AKAP12: variants seen among roughly 807,000 people sequenced by gnomAD.
AKAP12 encodes the protein A-kinase anchoring protein 12.
AKAP12 carries 32 observed loss-of-function variants against 79.9 expected under a neutral mutation model. The observed-to-expected ratio is 0.40, with a 90% CI of 0.30 to 0.54. AKAP12 has a LOEUF of 0.54. Among genes scored for constraint, AKAP12 ranks in the 20% least tolerant of loss-of-function variants. The pLI, the probability that AKAP12 is intolerant of heterozygous loss-of-function variation, is 0.48. For missense variants in AKAP12, 2,074 were observed against 2,177.0 expected, an observed-to-expected ratio of 0.95 and a Z score of 0.94; for synonymous variants, 808 against 857.0, an observed-to-expected ratio of 0.94 and a Z score of 1.00.
At chr6:151,301,997 G>A (rs1293682716) in intron 2 of AKAP12, among the ~76,000 whole-genome samples, 2 of 151,014 alleles carry the variant, frequency 1.3e-5, no homozygotes, top group African/African-American at 2.4e-5. Context: ...TGCTATGTGT[G>A]TGTAACATCT....
At chr6:151,296,024 G>A (rs901460698) in intron 2 of AKAP12, among the ~76,000 whole-genome samples, 8 of 152,130 alleles carry the variant, frequency 5.3e-5, no homozygotes, top group Admixed American at 3.3e-4. Context: ...ATATATGGAT[G>A]GAAAGAAATA....
chr6:151,347,842 GC>G (rs1778141640), intron 3 of AKAP12, among the ~76,000 whole-genome samples: 1 of 151,068 alleles, frequency 6.6e-6, no homozygotes, highest in Non-Finnish European at 1.5e-5. Context: ...CTCAAGACCA[GC>G]CTGGCCAGCA....
At chr6:151,354,413 A>G (rs1285450951) in intron 4 of AKAP12, among the ~76,000 whole-genome samples, 20 of 151,874 alleles carry the variant, frequency 1.3e-4, no homozygotes, top group Admixed American at 9.8e-4. Flanking sequence ...TCGCTCTGTC[A>G]TCCAGGCTGG....
chr6:151,332,891 G>A (rs984985570), intron 3 of AKAP12, among the ~76,000 whole-genome samples: 1 of 152,212 alleles, frequency 6.6e-6, no homozygotes, highest in African/African-American at 2.4e-5. Context: ...CACCACGACT[G>A]GGCTTTCTGG....
chr6:151,327,371 TA>T (rs1777555597), intron 3 of AKAP12, among the ~76,000 whole-genome samples: 1 of 152,188 alleles, frequency 6.6e-6, no homozygotes, highest in Non-Finnish European at 1.5e-5. Flanking sequence ...ATCTCGAAAC[TA>T]TTAATAAATA....
Position 151,350,565 on chromosome 6 carries a change from C to G in AKAP12, c.2174C>G (p.Thr725Arg). ...GCCGGAAAAGACAAAGAGACGGGGA[C>G]AGACGGGATCCTTGCTGGTTCCCAA... ...DEAGKDKETG[T>R]DGILAGSQEH... Residue 725 changes from threonine (T) to arginine (R), a missense_variant, in exon 4 of 5, where the codon ACA becomes AGA. By Grantham distance (71) the Thr-to-Arg change is moderately conservative (BLOSUM62 -1). Transcript: ENST00000402676. This position sits in a 1 kb window ranked among gnomAD's most constrained non-coding sequence, Gnocchi z 4.8. 4 of 1,614,112 alleles carry G rather than the reference C, an allele frequency of 2.5e-6. No homozygotes were observed. Among genetic ancestry groups the G allele is most frequent in the Non-Finnish European group, 3.4e-6 (4 of 1,180,030 alleles).
chr6:151,284,751 T>TA (rs1776467586), intron 2 of AKAP12, among the ~76,000 whole-genome samples: 1 of 152,200 alleles, frequency 6.6e-6, no homozygotes, highest in Admixed American at 6.5e-5. Context: ...CTGGTACACT[T>TA]TCTCTTATCA....
chr6:151,345,543 C>A (rs550722528), intron 3 of AKAP12, among the ~76,000 whole-genome samples: 83 of 150,918 alleles, frequency 5.5e-4, no homozygotes, highest in African/African-American at 2.0e-3. Context: ...ACCTGTAATC[C>A]CAGCACTTTG....
At chr6:151,278,256 C>T (rs1446877810) in intron 2 of AKAP12, among the ~76,000 whole-genome samples, 1 of 152,194 alleles carries the variant, frequency 6.6e-6, no homozygotes, top group Non-Finnish European at 1.5e-5. Context: ...CACTCTGTCA[C>T]TCAGGTTGGA....
At position 151,261,738 on chromosome 6, in the gene AKAP12, TTTATTTA is replaced by T. The variant is rs1198861291; in HGVS notation, c.162+21017_162+21023del. On this transcript the variant is annotated intron_variant, in intron 2 of 4. Coordinates refer to ENST00000402676, the MANE Select transcript of AKAP12 (RefSeq NM_005100.4). ...AACAACAGTGGTTTTTATTATTTTA[TTTATTTA>T]TTTATTTATTTATTTATTTATTTAT... Among the ~76,000 whole-genome samples, 48 of 24,978 alleles carry T rather than the reference TTTATTTA, an allele frequency of 1.9e-3. No homozygotes were observed. In the African/African-American group the frequency reaches 0.051, roughly 26 times the overall value. 16.4% of individuals were successfully genotyped at this position (24,978 alleles called of 152,430 possible).
rs1426371830 is a variant in AKAP12, at chr6:151,349,760, G to A, written c.1369G>A (p.Ala457Thr). 5 of 1,614,076 alleles carry A rather than the reference G, an allele frequency of 3.1e-6. No individual in the cohort carries two copies. Among genetic ancestry groups the A allele is most frequent in the Middle Eastern group, 1.6e-4 (1 of 6,062 alleles). The change falls in exon 4 of 5, where the codon GCT becomes ACT. Residue 457 changes from alanine to threonine, a missense_variant. By Grantham distance (58) the Ala-to-Thr change is moderately conservative. Transcript: ENST00000402676. ...LVEMDAEPQEAEPAKELVKLK... is the reference protein window; with the variant it reads ...LVEMDAEPQETEPAKELVKLK... ...TGAAATGGATGCAGAACCTCAGGAA[G>A]CTGAACCTGCCAAGGAGCTGGTGAA...
chr6:151,267,891 C>T (rs1050142693), intron 2 of AKAP12, among the ~76,000 whole-genome samples: 6 of 152,160 alleles, frequency 3.9e-5, no homozygotes, highest in Non-Finnish European at 8.8e-5. Context: ...AGACAGACAT[C>T]GTTCCTCAGG....
In AKAP12 at chr6:151,344,531, T is replaced by C. The variant is rs147216524; in HGVS notation, c.320-4180T>C. Among the ~76,000 whole-genome samples the C allele has an allele frequency of 1.9e-3, 293 of 152,192 alleles. 1 individual carries two copies. Among genetic ancestry groups the C allele is most frequent in the African/African-American group, 6.8e-3 (284 of 41,544 alleles). On this transcript the variant is annotated intron_variant, in intron 3 of 4. Transcript: ENST00000402676. ...CCTCAGGCAGTTTTGTTGTTGTTGT[T>C]GTTGTCTGTTCATTTGTTTTTTGAG...
At position 151,352,036 on chromosome 6, in the gene AKAP12, T is replaced by C; in HGVS notation, c.3645T>C (p.Pro1215=). The change falls in exon 4 of 5, where the codon CCT becomes CCC. Residue 1215 remains proline, a synonymous_variant. Transcript: ENST00000402676. ...QSGGTEAEAV[P]AQKERPPAPS... ...GGGGCACAGAAGCAGAGGCAGTTCC[T>C]GCACAGAAAGAGAGGCCTCCAGCAC... 6.2e-7 allele frequency: 1 copy of C among 1,614,104 alleles called. No individual in the cohort carries two copies. Among genetic ancestry groups the C allele is most frequent in the Non-Finnish European group, 8.5e-7 (1 of 1,180,032 alleles).
At chr6:151,338,718 T>G (rs1029901690) in intron 3 of AKAP12, among the ~76,000 whole-genome samples, 1 of 152,206 alleles carries the variant, frequency 6.6e-6, no homozygotes, top group African/African-American at 2.4e-5. Flanking sequence ...CCCAAAGTGC[T>G]GGGATTACAG....
chr6:151,312,660 C>T (rs375603482), intron 3 of AKAP12, among the ~76,000 whole-genome samples: 12 of 151,826 alleles, frequency 7.9e-5, no homozygotes, highest in South Asian at 2.1e-4. Flanking sequence ...GGCGTGGTGG[C>T]GGGCGCCTGT....
intron 2 of AKAP12, among the ~76,000 whole-genome samples, chr6:151,245,757 A>T (rs553590469): frequency 4.5e-4 from 69 of 151,972 alleles, no homozygotes; most frequent in South Asian, 1.5e-3. Flanking sequence ...TTTATTTTTT[A>T]AAAAAATTAA....
In AKAP12 at chr6:151,358,233, A is replaced by G. The variant is rs1778492216; in HGVS notation, c.*2519A>G. On this transcript the variant is annotated 3_prime_UTR_variant, in exon 5 of 5. Transcript: ENST00000402676. Reference sequence around the variant, plus strand: ...ATTTTGTTATTTTTGGCATTACTACAGAGCCATGTACAATAGAAAGCAATG... The same window carrying G: ...ATTTTGTTATTTTTGGCATTACTACGGAGCCATGTACAATAGAAAGCAATG... 1 of 152,264 alleles carries G rather than the reference A, an allele frequency of 6.6e-6. No individual in the cohort carries two copies. The highest frequency in any genetic ancestry group is 2.1e-4 in the South Asian group (1 of 4,836). 9.4% of individuals were successfully genotyped at this position (152,264 alleles called of 1,614,324 possible).
At chr6:151,254,701 C>A (rs948336334) in intron 2 of AKAP12, among the ~76,000 whole-genome samples, 2 of 152,114 alleles carry the variant, frequency 1.3e-5, no homozygotes, top group African/African-American at 4.8e-5. Context: ...ATTAAGACAA[C>A]GATCGGTTAT....
Sources: gnomAD v4.1 joint callset for allele counts (sites outside exome capture counted in the v4.1 genomes callset) on GRCh38, gnomAD v4.1.1 for gene constraint, Gnocchi (gnomAD v3.1) non-coding constraint, MANE v1.5 for transcripts, NCBI Gene and HGNC (gene_info 2026-07-23, HGNC 2026-07-21) for gene names.